The following ZFPM2 variants were observed in gnomAD, a reference collection of about 807,000 sequenced individuals.
ZFPM2 encodes the protein zinc finger protein ZFPM2.
ZFPM2 carries 20 observed loss-of-function variants against 98.6 expected under a neutral mutation model. The observed-to-expected ratio is 0.20, with a 90% CI of 0.14 to 0.29. ZFPM2 has a LOEUF of 0.29. Among genes scored for constraint, ZFPM2 ranks in the 10% least tolerant of loss-of-function variants. ZFPM2 has a pLI of 1.00. For missense variants in ZFPM2, 1,310 were observed against 1,388.6 expected (o/e 0.94, Z 0.90); for synonymous variants, 518 against 502.7 (o/e 1.03, Z -0.41).
chr8:105,446,302 A>G (rs1812368785), intron 3 of ZFPM2, among the ~76,000 whole-genome samples: 1 of 152,160 alleles, frequency 6.6e-6, no homozygotes. Flanking sequence ...GGCCTTTTAG[A>G]TATGCCTGCT....
intron 5 of ZFPM2, among the ~76,000 whole-genome samples, chr8:105,673,203 T>C (rs1201639804): frequency 6.0e-5 from 9 of 149,668 alleles, no homozygotes; most frequent in South Asian, 2.1e-4. Flanking sequence ...TTTTTTTTTT[T>C]TTTTACCGAT....
At chr8:105,417,243 T>G (rs925152732) in intron 1 of ZFPM2, among the ~76,000 whole-genome samples, 3 of 152,180 alleles carry the variant, frequency 2.0e-5, no homozygotes, top group Admixed American at 1.3e-4. Context: ...ACTTCATTTT[T>G]CAAATCTACA....
chr8:105,797,220 C>T (rs1301436301), intron 6 of ZFPM2: 1 of 152,180 alleles, frequency 6.6e-6, no homozygotes, highest in African/African-American at 2.4e-5. Context: ...CACCAGTCTC[C>T]TCACCTATAA....
chr8:105,441,454 G>GAGAGAGAGAGAAAGAAAGA (rs1812240131), intron 2 of ZFPM2, among the ~76,000 whole-genome samples: 1 of 54,328 alleles, frequency 1.8e-5, no homozygotes, highest in African/African-American at 1.1e-4. Context: ...GAGAGAGAGA[G>GAGAGAGAGAGAAAGAAAGA]AAAGAAAGAA....
intron 5 of ZFPM2, among the ~76,000 whole-genome samples, chr8:105,741,901 A>C (rs1029322418): frequency 1.3e-5 from 2 of 152,018 alleles, no homozygotes; most frequent in African/African-American, 4.8e-5. Context: ...GGGTGAGGGA[A>C]TTGAGAATAT....
intron 4 of ZFPM2, among the ~76,000 whole-genome samples, chr8:105,595,237 A>G (rs985507218): frequency 1.3e-5 from 2 of 152,120 alleles, no homozygotes; most frequent in Non-Finnish European, 2.9e-5. Flanking sequence ...ACCTAGGTCC[A>G]GGGAGGGTGT....
chr8:105,647,559 G>C (rs1216731939), intron 5 of ZFPM2, among the ~76,000 whole-genome samples: 2 of 145,866 alleles, frequency 1.4e-5, no homozygotes, highest in Admixed American at 7.1e-5. Context: ...CCCAGTGTGT[G>C]ATGTTCCCCA....
In ZFPM2 at chr8:105,802,888, C is replaced by G. The variant is rs1177401338; in HGVS notation, c.2806C>G (p.Leu936Val). The G allele has an allele frequency of 6.2e-7, 1 of 1,613,666 alleles. No homozygotes were observed. Among genetic ancestry groups the G allele is most frequent in the Non-Finnish European group, 8.5e-7 (1 of 1,179,824 alleles). ...CAATGGAAACTTATTTTCATCCCAC[C>G]TAGCAACCCTGCAAGGCTTGAAGGT... is the stretch of plus-strand genomic sequence containing the variant. ...SPNGNLFSSHLATLQGLKVFS... is the reference protein window; with the variant it reads ...SPNGNLFSSHVATLQGLKVFS... Residue 936 changes from leucine (L) to valine (V), a missense_variant, in exon 8 of 8, where the codon CTA (leucine) becomes GTA (valine). Coordinates refer to ENST00000407775, the MANE Select transcript of ZFPM2 (RefSeq NM_012082.4).
At chr8:105,588,684 C>G (rs1450918639) in intron 4 of ZFPM2, among the ~76,000 whole-genome samples, 1 of 152,140 alleles carries the variant, frequency 6.6e-6, no homozygotes, top group Non-Finnish European at 1.5e-5. Context: ...CTTGAATGGC[C>G]TACTTTATTC....
At chr8:105,540,880 A>G (rs748897125) in intron 3 of ZFPM2, among the ~76,000 whole-genome samples, 26 of 152,172 alleles carry the variant, frequency 1.7e-4, no homozygotes, top group Non-Finnish European at 3.4e-4. Context: ...CTTTGCTTCC[A>G]TTTCATCAAG....
intron 1 of ZFPM2, among the ~76,000 whole-genome samples, chr8:105,354,037 T>TA (rs1458236966): frequency 6.6e-6 from 1 of 151,856 alleles, no homozygotes; most frequent in Non-Finnish European, 1.5e-5. Flanking sequence ...AGCAAGCAAA[T>TA]AAAAAAAAGT....
At chr8:105,578,339 A>G (rs1563727649) in intron 4 of ZFPM2, among the ~76,000 whole-genome samples, 1 of 152,124 alleles carries the variant, frequency 6.6e-6, no homozygotes, top group Non-Finnish European at 1.5e-5. Flanking sequence ...AGAAACAAGC[A>G]AAAGTACAGA....
At chr8:105,717,381 G>A (rs1586216921) in intron 5 of ZFPM2, among the ~76,000 whole-genome samples, 2 of 152,036 alleles carry the variant, frequency 1.3e-5, no homozygotes, top group Non-Finnish European at 1.5e-5. Context: ...CATCAGTATT[G>A]TCATTATTTC....
At chr8:105,382,116 A>T (rs1183394090) in intron 1 of ZFPM2, among the ~76,000 whole-genome samples, 3 of 152,102 alleles carry the variant, frequency 2.0e-5, no homozygotes, top group Non-Finnish European at 2.9e-5. Flanking sequence ...AATTTTTATA[A>T]TATTATACTT....
chr8:105,480,532 A>G (rs1047657793), intron 3 of ZFPM2, among the ~76,000 whole-genome samples: 1 of 152,198 alleles, frequency 6.6e-6, no homozygotes, highest in Non-Finnish European at 1.5e-5. Context: ...GCAAACCCTT[A>G]ATACCAACTA....
intron 1 of ZFPM2, among the ~76,000 whole-genome samples, chr8:105,341,036 C>T (rs1812419212): frequency 6.6e-6 from 1 of 151,920 alleles, no homozygotes; most frequent in Non-Finnish European, 1.5e-5. Flanking sequence ...TAGAGACTCT[C>T]ATCTACCCCA....
In ZFPM2 at chr8:105,795,695, T is replaced by C. The variant is rs1586276787; in HGVS notation, c.740-3029T>C. The C allele has an allele frequency of 1.8e-5, 7 of 382,666 alleles. No homozygotes were observed. The East Asian group carries it at 5.6e-4, about 31-fold the overall frequency. The allele number at this position is 382,666 out of a possible 1,614,324, so 23.7% of individuals were successfully genotyped here. A position where few individuals can be genotyped will look rare whatever the true frequency, so the allele number is the denominator to read the frequency against. On this transcript the variant is annotated intron_variant, in intron 6 of 7. Transcript: ENST00000407775. Reference sequence around the variant, plus strand: ...AAGTACACCCTGGCAAATTTACCTTTGTGATTTTACTTCATAAAAAAGAAA... The same window carrying C: ...AAGTACACCCTGGCAAATTTACCTTCGTGATTTTACTTCATAAAAAAGAAA...
In ZFPM2 at chr8:105,803,879, G is replaced by A. The variant is rs1421325687; in HGVS notation, c.*341G>A. 2 of 176,564 alleles carry A rather than the reference G, an allele frequency of 1.1e-5. No homozygotes were observed. Among genetic ancestry groups the A allele is most frequent in the African/African-American group, 5.5e-5 (2 of 36,534 alleles). The allele number at this position is 176,564 out of a possible 1,614,324, so 10.9% of individuals were successfully genotyped here. On this transcript the variant is annotated 3_prime_UTR_variant, in exon 8 of 8. Transcript: ENST00000407775. ...TGTATAGTAGCTTTTAAAGAAAATA[G>A]TCACAATACAGAAAAGCATTTTAGA... is the stretch of plus-strand genomic sequence containing the variant.
At chr8:105,650,556 C>G (rs1817150009) in intron 5 of ZFPM2, among the ~76,000 whole-genome samples, 1 of 152,148 alleles carries the variant, frequency 6.6e-6, no homozygotes, top group African/African-American at 2.4e-5. Context: ...AAACGTGTCC[C>G]AGAGATTCTG....
Sources: allele counts gnomAD v4.1 joint callset (sites outside exome capture counted in the v4.1 genomes callset), GRCh38; gene constraint gnomAD v4.1.1; transcripts MANE v1.5; gene names NCBI Gene and HGNC (gene_info 2026-07-23, HGNC 2026-07-21).